CHD1: variants seen among roughly 807,000 people sequenced by gnomAD.
The protein encoded by CHD1 is ATP-dependent chromatin remodeler CHD1.
A neutral mutation model predicts 224.2 loss-of-function variants in CHD1; 36 were observed. The ratio of observed to expected loss-of-function variants is 0.16; its 90% CI spans 0.12 to 0.21. The LOEUF (loss-of-function observed/expected upper bound fraction) is 0.21. Ranked by LOEUF, CHD1 falls within the 10% of genes least tolerant of loss-of-function variation. CHD1 has a pLI of 1.00. For missense variants in CHD1, 1,378 were observed against 1,994.8 expected, an observed-to-expected ratio of 0.69 and a Z score of 5.89; for synonymous variants, 668 against 658.3, an observed-to-expected ratio of 1.01 and a Z score of -0.23.
At chr5:98,903,698 A>G in intron 4 of CHD1, 94 bp downstream of exon 4, 1 of 895,214 alleles carries the variant, frequency 1.1e-6, no homozygotes, top group Non-Finnish European at 1.9e-6. Flanking sequence ...TATTCTTTCA[A>G]AGCACTTATT....
In CHD1 at chr5:98,899,669, G is replaced by A; in HGVS notation, c.896C>T (p.Ala299Val). The change falls in exon 8 of 36, where the codon GCA (alanine) becomes GTA (valine). Residue 299 changes from alanine to valine, a missense_variant. This residue lies in a region of CHD1 where 40 missense variants were observed against 60.0 expected (regional missense o/e 0.67). Transcript: ENST00000614616. ...GATTTIYAVE[A>V]DGDPNAGFEK... ...AAAGCCTGCATTTGGGTCACCATCT[G>A]CTTCAACTGCATAGATGGTTGTAGT... is the stretch of plus-strand genomic sequence containing the variant. 1.9e-6 allele frequency: 3 copies of A among 1,613,404 alleles called. No individual in the cohort carries two copies. In the South Asian group the frequency reaches 3.3e-5, roughly 18 times the overall value.
chr5:98,864,547 T>C (rs999839402), intron 31 of CHD1, among the ~76,000 whole-genome samples: 41 of 127,500 alleles, frequency 3.2e-4, no homozygotes, highest in Admixed American at 5.3e-4. Context: ...AAAAAAAAAT[T>C]AGCCAAGCAT....
At chr5:98,895,688 G>A (rs1024030544) in intron 12 of CHD1, among the ~76,000 whole-genome samples, 3 of 149,144 alleles carry the variant, frequency 2.0e-5, no homozygotes, top group Non-Finnish European at 4.5e-5. Flanking sequence ...GGGAGGTGGA[G>A]GTTGCAATGA....
intron 2 of CHD1, among the ~76,000 whole-genome samples, chr5:98,914,761 T>C (rs1438903403): frequency 6.6e-6 from 1 of 152,222 alleles, no homozygotes; most frequent in Non-Finnish European, 1.5e-5. Context: ...TTCAAAACTA[T>C]GTCCTTTAGG....
chr5:98,875,123 A>G lies in CHD1; in HGVS notation c.3399-10T>C, dbSNP rs1749654573. On this transcript the variant is annotated splice_polypyrimidine_tract_variant and intron_variant, in intron 24 of 35. Coordinates refer to ENST00000614616, the MANE Select transcript of CHD1 (RefSeq NM_001270.4). Reference sequence around the variant, plus strand: ...ATAGCTCTTGATAAACCTAAGAGAAAATAATTGTTTGGTAAATGTGAGCTT... The same window carrying G: ...ATAGCTCTTGATAAACCTAAGAGAAGATAATTGTTTGGTAAATGTGAGCTT... 4 of 1,484,656 alleles carry G rather than the reference A, an allele frequency of 2.7e-6. No individual in the cohort carries two copies. 92.0% of individuals were successfully genotyped at this position (1,484,656 alleles called of 1,614,324 possible).
chr5:98,896,238 G>A lies in CHD1; in HGVS notation c.1698C>T (p.Asn566=). ...MNAVVYLGDI[N]SRNMIRTHEW... Reference sequence around the variant, plus strand: ...GGAAACAACTTACCATGTTTCTGCTGTTAATGTCACCTAAATAAACCACAG... The same window carrying A: ...GGAAACAACTTACCATGTTTCTGCTATTAATGTCACCTAAATAAACCACAG... The change falls in exon 12 of 36, where the codon AAC becomes AAT. Residue 566 remains asparagine, a synonymous_variant. Coordinates refer to ENST00000614616, the MANE Select transcript of CHD1 (RefSeq NM_001270.4). The A allele has an allele frequency of 6.2e-7, 1 of 1,612,374 alleles. No individual in the cohort carries two copies. The highest frequency in any genetic ancestry group is 2.2e-5 in the East Asian group (1 of 44,862).
At chr5:98,867,603 A>C (rs867686314) in intron 31 of CHD1, among the ~76,000 whole-genome samples, 12 of 152,068 alleles carry the variant, frequency 7.9e-5, no homozygotes, top group Admixed American at 2.6e-4. Flanking sequence ...TGGCATTGGG[A>C]ATTTAAAAAT....
Position 98,926,405 on chromosome 5 carries a change from A to G in CHD1, c.-19T>C. 1 of 1,348,978 alleles carries G rather than the reference A, an allele frequency of 7.4e-7. No homozygotes were observed. The highest frequency in any genetic ancestry group is 1.0e-6 in the Non-Finnish European group (1 of 988,664). 83.6% of individuals were successfully genotyped at this position (1,348,978 alleles called of 1,614,324 possible). A position where few individuals can be genotyped will look rare whatever the true frequency, so the allele number is the denominator to read the frequency against. The stretch of plus-strand genomic sequence containing the variant: ...CATTCATTGTAAATTATTATCAAGA[A>G]GTTTTAAAGTAAAATATAAATCTTC... On this transcript the variant is annotated 5_prime_UTR_variant, in exon 2 of 36. Transcript: ENST00000614616.
chr5:98,884,126 T>C (rs892054820), intron 18 of CHD1, among the ~76,000 whole-genome samples: 1 of 148,300 alleles, frequency 6.7e-6, no homozygotes, highest in South Asian at 2.1e-4. Context: ...CAGGCTGGAG[T>C]GCAGTGGCGC....
intron 35 of CHD1, among the ~76,000 whole-genome samples, chr5:98,857,328 C>T (rs1374423266): frequency 6.6e-6 from 1 of 152,020 alleles, no homozygotes; most frequent in Non-Finnish European, 1.5e-5. Flanking sequence ...AGTGCCTTTT[C>T]CAAACTGACA....
rs755243648 is a variant in CHD1 at position 98,885,661 on chromosome 5, C to A, written c.2497-12G>T. ...GATCCATCTAATCTCTAGAAAAAAA[C>A]ACATTAAAATACTGCATAAACAGAA... On this transcript the variant is annotated splice_polypyrimidine_tract_variant and intron_variant, in intron 17 of 35. Transcript: ENST00000614616. 2.7e-6 allele frequency: 4 copies of A among 1,468,858 alleles called. No individual in the cohort carries two copies. Among genetic ancestry groups the A allele is most frequent in the Non-Finnish European group, 9.4e-7 (1 of 1,069,196 alleles). 91.0% of individuals were successfully genotyped at this position (1,468,858 alleles called of 1,614,324 possible). A position where few individuals can be genotyped will look rare whatever the true frequency, so the allele number is the denominator to read the frequency against.
chr5:98,911,682 C>A (rs967252964), intron 2 of CHD1, among the ~76,000 whole-genome samples: 18 of 152,164 alleles, frequency 1.2e-4, no homozygotes. Flanking sequence ...ATTACCAACA[C>A]GGTTCTCCAG....
In CHD1 at chr5:98,876,221, A is replaced by C. The variant is rs1749743760; in HGVS notation, c.3398+177T>G. On this transcript the variant is annotated intron_variant, in intron 24 of 35. Transcript: ENST00000614616. ...ATAACATGCAAAGATTAGACACCAAACTTGTTTTGTTCAGTTATAACAAAT... is the reference window on the plus strand; with the variant it reads ...ATAACATGCAAAGATTAGACACCAACCTTGTTTTGTTCAGTTATAACAAAT... 2.6e-5 allele frequency among the ~76,000 whole-genome samples: 4 copies of C among 152,342 alleles called. No homozygotes were observed. The South Asian group carries it at 8.3e-4, about 32-fold the overall frequency.
intron 14 of CHD1, among the ~76,000 whole-genome samples, chr5:98,892,984 CA>C (rs1436917217): frequency 1.3e-5 from 2 of 151,868 alleles, no homozygotes; most frequent in Admixed American, 6.6e-5. Flanking sequence ...AAATATTTCT[CA>C]AAAAAATATA....
chr5:98,901,141 A>G, intron 6 of CHD1, 45 bp downstream of exon 6: 2 of 1,583,696 alleles, frequency 1.3e-6, no homozygotes, highest in Non-Finnish European at 8.5e-7. Context: ...CAAAAAGAAC[A>G]AATACTTTCC....
chr5:98,913,932 T>C (rs911612923), intron 2 of CHD1, among the ~76,000 whole-genome samples: 1 of 152,100 alleles, frequency 6.6e-6, no homozygotes, highest in Non-Finnish European at 1.5e-5. Flanking sequence ...AGTTTTTTTT[T>C]TAAAAAATTC....
Position 98,860,088 on chromosome 5 carries a change from G to A in CHD1, c.4428-20C>T, listed in dbSNP as rs1337647474. On this transcript the variant is annotated intron_variant, in intron 32 of 35. Coordinates refer to ENST00000614616, the MANE Select transcript of CHD1 (RefSeq NM_001270.4). The stretch of plus-strand genomic sequence containing the variant: ...AGGTTTCTAGAAGAATTTAAAAAAA[G>A]GCAAATTAAGTTAGTCTGGTGGAAA... 2 of 1,344,400 alleles carry A rather than the reference G, an allele frequency of 1.5e-6. No individual in the cohort carries two copies. Among genetic ancestry groups the A allele is most frequent in the Non-Finnish European group, 1.1e-6 (1 of 951,102 alleles). 83.3% of individuals were successfully genotyped at this position (1,344,400 alleles called of 1,614,324 possible). A position where few individuals can be genotyped will look rare whatever the true frequency, so the allele number is the denominator to read the frequency against.
At chr5:98,898,460 A>C (rs1751484534) in intron 9 of CHD1, 26 bp from the exon 10 acceptor site, 1 of 1,490,126 alleles carries the variant, frequency 6.7e-7, no homozygotes, top group Non-Finnish European at 8.9e-7. Context: ...GCATTTACTT[A>C]TTTATTTATT....
chr5:98,876,291 G>C, intron 24 of CHD1, 107 bp downstream of exon 24: 11 of 1,094,630 alleles, frequency 1.0e-5, no homozygotes, highest in Admixed American at 2.1e-5. Context: ...TAACAGATTT[G>C]CCTCTTCTAA....
Sources: gnomAD v4.1 joint callset for allele counts (sites outside exome capture counted in the v4.1 genomes callset) on GRCh38, gnomAD v4.1.1 for gene constraint, gnomAD v4.1.1 regional missense constraint, MANE v1.5 for transcripts, NCBI Gene and HGNC (gene_info 2026-07-23, HGNC 2026-07-21) for gene names.